The following PCBP2 variants were observed in gnomAD, a reference collection of about 807,000 sequenced individuals.
The protein encoded by PCBP2 is poly(rC)-binding protein 2.
PCBP2 carries 4 observed loss-of-function variants against 50.1 expected under a neutral mutation model. The observed-to-expected ratio is 0.08, with a 90% confidence interval of 0.04 to 0.18. The LOEUF (loss-of-function observed/expected upper bound fraction) is 0.18. PCBP2 is among the 10% of genes least tolerant of loss of function. The probability of loss-of-function intolerance (pLI) is 1.00; values close to 1 mark genes in which losing one functional copy is unlikely to be tolerated. For missense variants in PCBP2, 161 were observed against 474.3 expected (o/e 0.34, Z 6.14); for synonymous variants, 179 against 168.0 (o/e 1.07, Z -0.51).
At position 53,480,301 on chromosome 12, in the gene PCBP2, A is replaced by G. The variant is rs1204173351; in HGVS notation, c.*859A>G. 6.6e-6 allele frequency: 1 copy of G among 152,198 alleles called. No homozygotes were observed. Among genetic ancestry groups the G allele is most frequent in the Non-Finnish European group, 1.5e-5 (1 of 68,042 alleles). 9.4% of individuals were successfully genotyped at this position (152,198 alleles called of 1,614,324 possible). ...CCTCCATAACAAGTTAGAAGGATGT[A>G]TCTGCTACCATTTATTCCTATAATT... is the stretch of plus-strand genomic sequence containing the variant. On this transcript the variant is annotated 3_prime_UTR_variant, in exon 15 of 15. Transcript: ENST00000546463.
At position 53,480,857 on chromosome 12, in the gene PCBP2, C is replaced by G. The variant is rs1032124981; in HGVS notation, c.*1415C>G. On this transcript the variant is annotated 3_prime_UTR_variant, in exon 15 of 15. Transcript: ENST00000546463. ...CCCTCCCACCGCCCCTCCCCCCACC[C>G]CCTATTATTTGGGGATAAAGAATAT... 3 of 152,224 alleles carry G rather than the reference C, an allele frequency of 2.0e-5. No individual in the cohort carries two copies. The highest frequency in any genetic ancestry group is 7.3e-5 in the African/African-American group (3 of 41,356). The allele number at this position is 152,224 out of a possible 1,614,324, so 9.4% of individuals were successfully genotyped here. A position where few individuals can be genotyped will look rare whatever the true frequency, so the allele number is the denominator to read the frequency against.
chr12:53,474,729 GT>G (rs1942457045), intron 14 of PCBP2: 1 of 329,278 alleles, frequency 3.0e-6, no homozygotes, highest in Non-Finnish European at 6.0e-6. Flanking sequence ...CTTGTCACAA[GT>G]TGACACTAGG....
At chr12:53,467,865 A>G in intron 12 of PCBP2, 22 bp downstream of exon 12, 1 of 1,498,078 alleles carries the variant, frequency 6.7e-7, no homozygotes, top group Non-Finnish European at 9.3e-7. Flanking sequence ...AAAAAAAAAA[A>G]TCTGTAGTAT....
At position 53,465,876 on chromosome 12, in the gene PCBP2, A is replaced by G. The variant is rs909451182; in HGVS notation, c.673-56A>G. ...CTAGTTGAAATGTCTTTTTCCCCCC[A>G]CTGGGTGGCTGTCCGTGATTGGTTT... On this transcript the variant is annotated intron_variant, in intron 9 of 14. Transcript: ENST00000546463. 3.6e-6 allele frequency: 5 copies of G among 1,407,950 alleles called. No individual in the cohort carries two copies. In the African/African-American group the frequency reaches 5.7e-5, roughly 16 times the overall value. 87.2% of individuals were successfully genotyped at this position (1,407,950 alleles called of 1,614,324 possible).
chr12:53,466,945 C>T (rs907721828), intron 10 of PCBP2, among the ~76,000 whole-genome samples: 2 of 152,122 alleles, frequency 1.3e-5, no homozygotes, highest in African/African-American at 4.8e-5. Flanking sequence ...AAGTAGCCTC[C>T]AAGGGGGATG....
chr12:53,467,314 A>G (rs756280756), intron 11 of PCBP2, 21 bp downstream of exon 11: 2 of 1,593,326 alleles, frequency 1.3e-6, no homozygotes, highest in African/African-American at 1.3e-5. Context: ...CTCAGTGTTT[A>G]TTTCTGTAAG....
At position 53,455,880 on chromosome 12, in the gene PCBP2, T is replaced by C. The variant is rs775204454; in HGVS notation, c.127-5T>C. ...AACTTCTTTTGGATCTTGTTTCCTATCTAGAGTGGTGCACGTATCAACATC... is the reference window on the plus strand; with the variant it reads ...AACTTCTTTTGGATCTTGTTTCCTACCTAGAGTGGTGCACGTATCAACATC... On this transcript the variant is annotated splice_polypyrimidine_tract_variant and splice_region_variant and intron_variant, in intron 4 of 14. Transcript: ENST00000546463. The C allele has an allele frequency of 1.9e-6, 3 of 1,581,664 alleles. No homozygotes were observed. In the African/African-American group the frequency reaches 4.0e-5, roughly 21 times the overall value.
At chr12:53,469,596 C>G (rs1206548427) in intron 13 of PCBP2, among the ~76,000 whole-genome samples, 2 of 151,982 alleles carry the variant, frequency 1.3e-5, no homozygotes, top group East Asian at 3.9e-4. Context: ...CATGGTGTTG[C>G]ATCTCTGTAA....
chr12:53,462,343 TG>T, intron 7 of PCBP2, 149 bp from the exon 8 acceptor site: 1 of 532,714 alleles, frequency 1.9e-6, no homozygotes, highest in African/African-American at 1.9e-5. Context: ...GTAGATAAAT[TG>T]AGATTAGATC....
At chr12:53,461,655 G>A (rs750349276) in intron 7 of PCBP2, among the ~76,000 whole-genome samples, 3 of 152,092 alleles carry the variant, frequency 2.0e-5, no homozygotes, top group Admixed American at 6.5e-5. Context: ...GGAAAATTAA[G>A]CCTTTTCAGA....
Position 53,467,206 on chromosome 12 carries a change from G to T in PCBP2, c.715-15G>T. The T allele has an allele frequency of 6.2e-7, 1 of 1,608,990 alleles. No individual in the cohort carries two copies. The highest frequency in any genetic ancestry group is 8.5e-7 in the Non-Finnish European group (1 of 1,175,996). On this transcript the variant is annotated splice_polypyrimidine_tract_variant and intron_variant, in intron 10 of 14. Coordinates refer to ENST00000546463, the MANE Select transcript of PCBP2 (RefSeq NM_031989.5). The stretch of plus-strand genomic sequence containing the variant: ...TTAAATCTTCTAATGCCAACCTCCT[G>T]TTTCCTCCTTGCAGTTGACCAAGCT...
intron 5 of PCBP2, among the ~76,000 whole-genome samples, chr12:53,458,087 C>G (rs1292906938): frequency 6.6e-6 from 1 of 151,776 alleles, no homozygotes; most frequent in Non-Finnish European, 1.5e-5. Context: ...TACCACCATG[C>G]CTGGCTAATT....
intron 8 of PCBP2, among the ~76,000 whole-genome samples, chr12:53,463,393 C>T (rs977757658): frequency 1.9e-4 from 29 of 152,070 alleles, no homozygotes; most frequent in African/African-American, 6.8e-4. Flanking sequence ...GTGGGTTCCA[C>T]CTTCAACCTA....
intron 14 of PCBP2, among the ~76,000 whole-genome samples, chr12:53,477,678 A>AAC (rs1357041502): frequency 1.5e-4 from 22 of 146,476 alleles, no homozygotes; most frequent in Admixed American, 8.0e-4. Context: ...AAAAAAAAAA[A>AAC]AAAAAAAAAA....
At position 53,480,271 on chromosome 12, in the gene PCBP2, A is replaced by G. The variant is rs1942965828; in HGVS notation, c.*829A>G. 6.6e-6 allele frequency: 1 copy of G among 152,202 alleles called. No individual in the cohort carries two copies. The allele number at this position is 152,202 out of a possible 1,614,324, so 9.4% of individuals were successfully genotyped here. ...TCTATTGTTTTTAGTAACTTCATTT[A>G]TAGTCCTCCATAACAAGTTAGAAGG... On this transcript the variant is annotated 3_prime_UTR_variant, in exon 15 of 15. Transcript: ENST00000546463.
intron 8 of PCBP2, chr12:53,464,330 C>A (rs577686453): frequency 6.6e-6 from 1 of 151,020 alleles, no homozygotes; most frequent in Admixed American, 6.6e-5. Flanking sequence ...CCCTCCCTCC[C>A]CTTTATTTAG....
Position 53,468,811 on chromosome 12 carries a change from T to C in PCBP2, c.861T>C (p.His287=), listed in dbSNP as rs766657583. The change falls in exon 13 of 15, where the codon CAT becomes CAC. Residue 287 remains histidine, a synonymous_variant. Transcript: ENST00000546463. ...GLDASAQTTS[H]ELTIPNDLIG... ...ATGCATCTGCTCAGACTACTTCTCA[T>C]GAACTCACCATTCCAAACGATGTAA... is the stretch of plus-strand genomic sequence containing the variant. 14 of 1,613,416 alleles carry C rather than the reference T, an allele frequency of 8.7e-6. No individual in the cohort carries two copies. The highest frequency in any genetic ancestry group is 1.6e-4 in the Middle Eastern group (1 of 6,080).
At chr12:53,458,225 G>A (rs989558187) in intron 5 of PCBP2, among the ~76,000 whole-genome samples, 5 of 152,258 alleles carry the variant, frequency 3.3e-5, no homozygotes, top group South Asian at 2.1e-4. Flanking sequence ...ACCGTGCCCC[G>A]CCTGTTTTTA....
chr12:53,472,004 T>TGG lies in PCBP2; in HGVS notation c.1052+205_1052+206dup, dbSNP rs145529470. On this transcript the variant is annotated intron_variant, in intron 14 of 14. Transcript: ENST00000546463. Reference sequence around the variant, plus strand: ...CTGCAGTAAGTTTTCAAGGGGTTGGTGGGGGGGGGAGCACAGATTGCCCGC... The same window carrying TGG: ...CTGCAGTAAGTTTTCAAGGGGTTGGTGGGGGGGGGGGAGCACAGATTGCCCGC... Among the ~76,000 whole-genome samples the TGG allele has an allele frequency of 4.4e-3, 575 of 130,850 alleles. 2 individuals carry two copies. The highest frequency in any genetic ancestry group is 0.013 in the African/African-American group (445 of 33,758). 85.8% of individuals were successfully genotyped at this position (130,850 alleles called of 152,430 possible). A position where few individuals can be genotyped will look rare whatever the true frequency, so the allele number is the denominator to read the frequency against.
Sources: allele counts gnomAD v4.1 joint callset (sites outside exome capture counted in the v4.1 genomes callset), GRCh38; gene constraint gnomAD v4.1.1; transcripts MANE v1.5; gene names NCBI Gene and HGNC (gene_info 2026-07-23, HGNC 2026-07-21).